Variants in NAV2 observed in about 807,000 individuals in gnomAD.
The protein encoded by NAV2 is neuron navigator 2, also known as helicase, APC down-regulated 1.
A neutral mutation model predicts 223.2 loss-of-function variants in NAV2; 54 were observed. The ratio of observed to expected loss-of-function variants is 0.24; its 90% CI spans 0.19 to 0.30. The LOEUF is 0.30. Among genes scored for constraint, NAV2 ranks in the 10% least tolerant of loss-of-function variants. The pLI, the probability that NAV2 is intolerant of heterozygous loss-of-function variation, is 1.00. For synonymous variants in NAV2, 1,279 were observed against 1,239.3 expected (o/e 1.03, Z -0.67); for missense variants, 2,806 against 3,147.5 (o/e 0.89, Z 2.60).
chr11:19,408,825 G>C (rs555925775), intron 1 of NAV2, among the ~76,000 whole-genome samples: 15 of 131,150 alleles, frequency 1.1e-4, no homozygotes, highest in Admixed American at 4.6e-4. Flanking sequence ...CTGGCGGGGT[G>C]GGGGGATGTT....
In NAV2 at chr11:20,090,914, A is replaced by T. The variant is rs1362840862; in HGVS notation, c.5548A>T (p.Asn1850Tyr). The change falls in exon 27 of 38, where the codon AAT becomes TAT. Residue 1850 changes from asparagine (N) to tyrosine (Y), a missense_variant. Asn to Tyr is a moderately radical substitution (Grantham distance 143). Transcript: ENST00000349880. ...AGCTGAGACCGTCATGCAGCTCCGA[A>T]ATGAGTTAAGAGACAAGGAGATGAA... Reference protein sequence around the residue: ...SEAETVMQLRNELRDKEMKLT... With the variant: ...SEAETVMQLRYELRDKEMKLT... 10 of 1,613,976 alleles carry T rather than the reference A, an allele frequency of 6.2e-6. No homozygotes were observed. The highest frequency in any genetic ancestry group is 8.5e-6 in the Non-Finnish European group (10 of 1,179,906).
intron 1 of NAV2, among the ~76,000 whole-genome samples, chr11:19,521,378 G>A (rs2043650191): frequency 1.3e-5 from 2 of 152,196 alleles, no homozygotes. Flanking sequence ...CAAGCTTTGA[G>A]GAGCACAGGC....
chr11:19,834,621 C>G (rs1166807114), intron 2 of NAV2, among the ~76,000 whole-genome samples: 2 of 151,706 alleles, frequency 1.3e-5, no homozygotes, highest in African/African-American at 4.9e-5. Flanking sequence ...GGTTTTGAAG[C>G]CCACATCAGC....
rs938023234 is a variant in NAV2 at position 19,998,947 on chromosome 11, T to C, written c.2768+14700T>C. The stretch of plus-strand genomic sequence containing the variant: ...CAGTATCAATAAGACAGAAACCAGG[T>C]CAGCTCCGTTTGCAGGTGAATCCCC... On this transcript the variant is annotated intron_variant, in intron 11 of 37. Coordinates refer to ENST00000349880, the MANE Select transcript of NAV2 (RefSeq NM_145117.5). This position sits in a 1 kb window ranked among gnomAD's most constrained non-coding sequence, Gnocchi z 5.0. 1.3e-5 allele frequency among the ~76,000 whole-genome samples: 2 copies of C among 152,224 alleles called. No homozygotes were observed. Among genetic ancestry groups the C allele is most frequent in the Admixed American group, 6.5e-5 (1 of 15,282 alleles).
intron 26 of NAV2, among the ~76,000 whole-genome samples, chr11:20,088,507 T>C (rs1169239794): frequency 6.6e-6 from 1 of 152,202 alleles, no homozygotes; most frequent in Non-Finnish European, 1.5e-5. Context: ...GTCTACGTTA[T>C]AGGGCATCTG....
At position 19,476,370 on chromosome 11, in the gene NAV2, CT is replaced by C. The variant is rs541091653; in HGVS notation, c.75+125353del. On this transcript the variant is annotated intron_variant, in intron 1 of 37. Coordinates refer to the NAV2 transcript ENST00000360655. ...TAATGCAAGCTAGACCATCAAGAGA[CT>C]TTTTTTTTTCCCCTATAGCCAGCCT... 6.7e-3 allele frequency among the ~76,000 whole-genome samples: 1,002 copies of C among 150,248 alleles called. 16 individuals carry two copies. The highest frequency in any genetic ancestry group is 0.023 in the African/African-American group (925 of 40,944).
intron 1 of NAV2, among the ~76,000 whole-genome samples, chr11:19,456,818 T>A (rs556715533): frequency 2.0e-3 from 309 of 152,336 alleles, no homozygotes; most frequent in African/African-American, 6.7e-3. Context: ...ATGGCTGGAC[T>A]GCTCCTTCCC....
chr11:19,553,874 A>G (rs1206936110), intron 1 of NAV2, among the ~76,000 whole-genome samples: 1 of 152,210 alleles, frequency 6.6e-6, no homozygotes, highest in East Asian at 1.9e-4. Context: ...CAGATGGTGG[A>G]GGCCCAGAAT....
At chr11:20,082,863 T>A (rs1490979734) in intron 25 of NAV2, 144 bp from the exon 26 acceptor site, 1 of 819,632 alleles carries the variant, frequency 1.2e-6, no homozygotes, top group Non-Finnish European at 1.9e-6. Flanking sequence ...ATGCACTGAT[T>A]CAAAAGAGCT....
intron 1 of NAV2, among the ~76,000 whole-genome samples, chr11:19,662,976 G>C (rs187379886): frequency 3.7e-4 from 57 of 152,290 alleles, no homozygotes; most frequent in Non-Finnish European, 7.1e-4. Flanking sequence ...GCCCTCCCCA[G>C]TTTCAGTCAG....
At chr11:19,910,112 T>G (rs982839068) in intron 6 of NAV2, among the ~76,000 whole-genome samples, 1 of 152,174 alleles carries the variant, frequency 6.6e-6, no homozygotes, top group Non-Finnish European at 1.5e-5. Flanking sequence ...GTGTCAGTAG[T>G]AACATCTCCA....
chr11:19,381,074 C>G (rs972562715), intron 1 of NAV2, among the ~76,000 whole-genome samples: 10 of 152,180 alleles, frequency 6.6e-5, no homozygotes, highest in African/African-American at 2.4e-4. Flanking sequence ...TTCCTAGAAG[C>G]CTTCCCTGGC....
At chr11:20,095,984 C>T (rs2061238707) in intron 30 of NAV2, among the ~76,000 whole-genome samples, 1 of 152,164 alleles carries the variant, frequency 6.6e-6, no homozygotes, top group East Asian at 1.9e-4. Flanking sequence ...TGCCGTCTGC[C>T]CTTTGCAGTG....
chr11:19,552,178 G>A (rs1196241535), intron 1 of NAV2, among the ~76,000 whole-genome samples: 2 of 152,186 alleles, frequency 1.3e-5, no homozygotes, highest in Non-Finnish European at 2.9e-5. Flanking sequence ...TGGCAGGGAG[G>A]GGCGGGGGAA....
chr11:19,859,288 C>G (rs2061557276), intron 3 of NAV2, among the ~76,000 whole-genome samples: 1 of 149,192 alleles, frequency 6.7e-6, no homozygotes, highest in African/African-American at 2.5e-5. Context: ...GACCCTGCGG[C>G]CTTCCGCAGT....
chr11:19,476,936 C>T lies in NAV2; in HGVS notation c.75+125909C>T, dbSNP rs545690792. ...CTTCCTATGTGGTTTCCTTCTCCCA[C>T]CCTCCACTCTCCCTCTCCTCTTCAT... On this transcript the variant is annotated intron_variant, in intron 1 of 37. Coordinates refer to the NAV2 transcript ENST00000360655. 3.9e-5 allele frequency among the ~76,000 whole-genome samples: 6 copies of T among 152,300 alleles called. No individual in the cohort carries two copies. In the South Asian group the frequency reaches 1.2e-3, roughly 32 times the overall value.
intron 25 of NAV2, among the ~76,000 whole-genome samples, chr11:20,080,735 TA>T (rs1170839998): frequency 6.6e-6 from 1 of 152,208 alleles, no homozygotes; most frequent in African/African-American, 2.4e-5. Flanking sequence ...AGTTAGCAAG[TA>T]GTTCTAAACC....
chr11:19,350,744 T>C (rs1853260603), exon 1 of NAV2: 4 of 580,544 alleles, frequency 6.9e-6, no homozygotes, highest in African/African-American at 1.9e-5. Flanking sequence ...CCGGCAGCAG[T>C]CACCCTCATT....
rs899892012 is a variant in NAV2, at chr11:20,119,870, A to T, written c.*1612A>T. The T allele has an allele frequency of 6.6e-6, 1 of 152,294 alleles. No individual in the cohort carries two copies. Among genetic ancestry groups the T allele is most frequent in the African/African-American group, 2.4e-5 (1 of 41,446 alleles). 9.4% of individuals were successfully genotyped at this position (152,294 alleles called of 1,614,324 possible). On this transcript the variant is annotated 3_prime_UTR_variant, in exon 38 of 38. Transcript: ENST00000349880. ...AGGTTCTTTTCGGTCTCCAGCTGAC[A>T]ACCCAACTGGACAATGATCTGTCTG...
Sources: gnomAD v4.1 joint callset for allele counts (sites outside exome capture counted in the v4.1 genomes callset) on GRCh38, gnomAD v4.1.1 for gene constraint, Gnocchi (gnomAD v3.1) non-coding constraint, MANE v1.5 for transcripts, NCBI Gene and HGNC (gene_info 2026-07-23, HGNC 2026-07-21) for gene names.